NUAK1: variants seen among roughly 807,000 people sequenced by gnomAD.
NUAK1 encodes the protein NUAK family kinase 1, also known as NUAK family SNF1-like kinase 1.
Under a neutral mutation model 56.9 loss-of-function variants are expected in NUAK1, and 26 were observed. The observed-to-expected ratio is 0.46, with a 90% confidence interval of 0.33 to 0.63. The LOEUF (loss-of-function observed/expected upper bound fraction) is 0.63, where lower values mean the gene tolerates loss of function less well. Ranked by LOEUF, NUAK1 falls within the 30% of genes least tolerant of loss-of-function variation. NUAK1 has a pLI of 0.02. For missense variants in NUAK1, 727 were observed against 876.1 expected (o/e 0.83, Z 2.15); for synonymous variants, 337 against 336.0 (o/e 1.00, Z -0.03).
chr12:106,114,898 T>C (rs1476893298), intron 1 of NUAK1, among the ~76,000 whole-genome samples: 1 of 152,204 alleles, frequency 6.6e-6, no homozygotes, highest in Non-Finnish European at 1.5e-5. Flanking sequence ...TGACAAATCA[T>C]GACTTGTGCT....
intron 4 of NUAK1, among the ~76,000 whole-genome samples, chr12:106,080,239 G>A (rs1272985647): frequency 6.6e-6 from 1 of 152,136 alleles, no homozygotes; most frequent in Non-Finnish European, 1.5e-5. Flanking sequence ...TTGTCTTAAG[G>A]GGCAGCAGGC....
At position 106,072,817 on chromosome 12, in the gene NUAK1, C is replaced by T. The variant is rs2032419719; in HGVS notation, c.606G>A (p.Leu202=). ...TTTGTAAGAACTTATCCTTCTGGTA[C>T]AGGTTGGAAAGCCCAAAGTCAGCAA... The part of the protein sequence containing the change: ...IKIADFGLSN[L]YQKDKFLQTF... Residue 202 remains leucine (L), a synonymous_variant, in exon 5 of 7, where the codon CTG becomes CTA. Transcript: ENST00000261402. 1 of 1,614,026 alleles carries T rather than the reference C, an allele frequency of 6.2e-7. No individual in the cohort carries two copies. The highest frequency in any genetic ancestry group is 8.5e-7 in the Non-Finnish European group (1 of 1,179,934).
At chr12:106,123,618 G>A (rs1454558092) in intron 1 of NUAK1, among the ~76,000 whole-genome samples, 1 of 152,162 alleles carries the variant, frequency 6.6e-6, no homozygotes, top group African/African-American at 2.4e-5. Context: ...ATTACCAGAT[G>A]CCCTAATGTT....
chr12:106,109,190 T>TC lies in NUAK1; in HGVS notation c.241-2666dup, dbSNP rs560983237. Among the ~76,000 whole-genome samples, 670 of 152,266 alleles carry TC rather than the reference T, an allele frequency of 4.4e-3. 1 individual carries two copies. Among genetic ancestry groups the TC allele is most frequent in the Non-Finnish European group, 6.4e-3 (433 of 68,010 alleles). On this transcript the variant is annotated intron_variant, in intron 1 of 6. Coordinates refer to ENST00000261402, the MANE Select transcript of NUAK1 (RefSeq NM_014840.3). The stretch of plus-strand genomic sequence containing the variant: ...TACTCCCAGAGTGGTGGCGGACCCA[T>TC]CCAAGGTTCAGACAGCCGGTTAATG...
chr12:106,130,717 G>A (rs970557921), intron 1 of NUAK1, among the ~76,000 whole-genome samples: 11 of 152,224 alleles, frequency 7.2e-5, no homozygotes, highest in Non-Finnish European at 1.6e-4. Context: ...GGCTGCTTCT[G>A]GCCAGGACAG....
At chr12:106,127,231 C>T (rs574628931) in intron 1 of NUAK1, among the ~76,000 whole-genome samples, 1 of 152,208 alleles carries the variant, frequency 6.6e-6, no homozygotes, top group Admixed American at 6.5e-5. Flanking sequence ...GTGGTGTGAT[C>T]GTAGATCACT....
intron 2 of NUAK1, among the ~76,000 whole-genome samples, chr12:106,090,429 CT>C (rs2136464561): frequency 6.6e-6 from 1 of 152,310 alleles, no homozygotes; most frequent in East Asian, 1.9e-4. Context: ...TTGCTGTAGG[CT>C]TACCATGTGC....
intron 4 of NUAK1, among the ~76,000 whole-genome samples, chr12:106,083,018 T>C (rs2136460931): frequency 6.6e-6 from 1 of 152,304 alleles, no homozygotes; most frequent in South Asian, 2.1e-4. Flanking sequence ...GCTTATTTTG[T>C]AGACGTGGTC....
chr12:106,131,212 T>C (rs550595063), intron 1 of NUAK1, among the ~76,000 whole-genome samples: 4 of 152,234 alleles, frequency 2.6e-5, no homozygotes, highest in African/African-American at 9.6e-5. Flanking sequence ...AATTCACATA[T>C]CATATAATTC....
At chr12:106,120,717 G>C (rs1205447620) in intron 1 of NUAK1, among the ~76,000 whole-genome samples, 1 of 152,188 alleles carries the variant, frequency 6.6e-6, no homozygotes, top group African/African-American at 2.4e-5. Flanking sequence ...AAGCAAACAA[G>C]CCAGCTGCTG....
At chr12:106,090,607 G>A (rs2032625605) in intron 2 of NUAK1, among the ~76,000 whole-genome samples, 1 of 152,126 alleles carries the variant, frequency 6.6e-6, no homozygotes, top group African/African-American at 2.4e-5. Context: ...CAGTCTGACT[G>A]CTACCCCCAA....
intron 1 of NUAK1, among the ~76,000 whole-genome samples, chr12:106,136,605 G>T (rs2033131970): frequency 6.6e-6 from 1 of 152,140 alleles, no homozygotes; most frequent in Admixed American, 6.5e-5. Context: ...TAGTGCCCCA[G>T]CATTTAGACT....
intron 1 of NUAK1, among the ~76,000 whole-genome samples, chr12:106,127,241 T>C (rs1471299671): frequency 6.6e-6 from 1 of 152,200 alleles, no homozygotes; most frequent in Non-Finnish European, 1.5e-5. Context: ...CGTAGATCAC[T>C]GTGGCCTCCA....
In NUAK1 at chr12:106,063,654, T is replaced by C. The variant is rs1471871954; in HGVS notation, c.*3148A>G. The C allele has an allele frequency of 6.7e-6, 1 of 149,944 alleles. No individual in the cohort carries two copies. The highest frequency in any genetic ancestry group is 1.5e-5 in the Non-Finnish European group (1 of 67,558). 9.3% of individuals were successfully genotyped at this position (149,944 alleles called of 1,614,324 possible). A position where few individuals can be genotyped will look rare whatever the true frequency, so the allele number is the denominator to read the frequency against. ...GTCAACTTTTTATTACCAAAAAAAA[T>C]AGAAATTAAATAAAAGTCACAATGT... On this transcript the variant is annotated 3_prime_UTR_variant, in exon 7 of 7. Transcript: ENST00000261402.
intron 1 of NUAK1, among the ~76,000 whole-genome samples, chr12:106,128,881 T>C (rs974044617): frequency 5.3e-5 from 8 of 152,206 alleles, no homozygotes; most frequent in African/African-American, 1.9e-4. Context: ...CAAATCATGA[T>C]GGTGTTTTTT....
intron 4 of NUAK1, among the ~76,000 whole-genome samples, chr12:106,073,751 G>A (rs560440596): frequency 6.6e-6 from 1 of 152,040 alleles, no homozygotes; most frequent in South Asian, 2.1e-4. Flanking sequence ...CTGAGAGGCG[G>A]AGATTGCAGT....
intron 2 of NUAK1, among the ~76,000 whole-genome samples, chr12:106,090,284 A>T (rs561815131): frequency 1.1e-4 from 17 of 152,304 alleles, no homozygotes; most frequent in Admixed American, 1.0e-3. Context: ...CCCAAGTCTC[A>T]CGGTCAAGGC....
rs142656014 is a variant in NUAK1, at chr12:106,090,978, G to A, written c.362-4093C>T. ...GAGCAAGGCCTTGGGAATTAATACT[G>A]AAGAATGAGCAGCTTCCACACCCTT... On this transcript the variant is annotated intron_variant, in intron 2 of 6. Coordinates refer to ENST00000261402, the MANE Select transcript of NUAK1 (RefSeq NM_014840.3). Among the ~76,000 whole-genome samples the A allele has an allele frequency of 6.2e-4, 95 of 152,310 alleles. No homozygotes were observed. In the East Asian group the frequency reaches 0.015, roughly 25 times the overall value.
chr12:106,069,791 A>T (rs1312286654), intron 6 of NUAK1, among the ~76,000 whole-genome samples: 1 of 152,222 alleles, frequency 6.6e-6, no homozygotes, highest in East Asian at 1.9e-4. Context: ...GTATACAGAT[A>T]TACATATATA....
Sources: gnomAD v4.1 joint callset for allele counts (sites outside exome capture counted in the v4.1 genomes callset) on GRCh38, gnomAD v4.1.1 for gene constraint, MANE v1.5 for transcripts, NCBI Gene and HGNC (gene_info 2026-07-23, HGNC 2026-07-21) for gene names.